Variants in GRM8 observed in about 807,000 individuals in gnomAD.
GRM8 encodes metabotropic glutamate receptor 8.
In GRM8, 47 loss-of-function variants were observed where a neutral mutation model predicts 87.2. The ratio of observed to expected loss-of-function variants is 0.54; its 90% CI spans 0.43 to 0.69. The LOEUF (loss-of-function observed/expected upper bound fraction) is 0.69, where lower values mean the gene tolerates loss of function less well. GRM8 is among the 30% of genes least tolerant of loss of function. The pLI is 0.00. For synonymous variants in GRM8, 396 were observed against 404.5 expected (o/e 0.98, Z 0.25); for missense variants, 1,019 against 1,139.2 (o/e 0.89, Z 1.52).
At chr7:126,683,209 T>C (rs1807803914) in intron 7 of GRM8, among the ~76,000 whole-genome samples, 1 of 152,228 alleles carries the variant, frequency 6.6e-6, no homozygotes, top group Non-Finnish European at 1.5e-5. Flanking sequence ...AATTGTTTCC[T>C]ACTCCCCACC....
intron 7 of GRM8, among the ~76,000 whole-genome samples, chr7:126,758,743 G>C (rs1040997398): frequency 6.6e-6 from 1 of 152,018 alleles, no homozygotes; most frequent in Admixed American, 6.6e-5. Context: ...AGCTTAGCTA[G>C]AGACAAGGTG....
intron 2 of GRM8, among the ~76,000 whole-genome samples, chr7:127,193,997 C>T (rs1245603749): frequency 2.0e-5 from 3 of 152,120 alleles, no homozygotes; most frequent in African/African-American, 7.2e-5. Flanking sequence ...GATGAGCCAC[C>T]CCTACTGGTG....
At chr7:126,678,834 C>T (rs774125635) in intron 7 of GRM8, among the ~76,000 whole-genome samples, 2 of 152,084 alleles carry the variant, frequency 1.3e-5, no homozygotes, top group Non-Finnish European at 2.9e-5. Context: ...ATTAAGCACT[C>T]GGTCCTCTCT....
At chr7:126,632,214 G>A (rs1461349828) in intron 7 of GRM8, among the ~76,000 whole-genome samples, 4 of 152,124 alleles carry the variant, frequency 2.6e-5, no homozygotes, top group South Asian at 2.1e-4. Flanking sequence ...ATTAATAAGT[G>A]GGCAAAGAAT....
intron 2 of GRM8, among the ~76,000 whole-genome samples, chr7:127,241,778 G>A (rs1331672381): frequency 6.6e-6 from 1 of 152,106 alleles, no homozygotes; most frequent in East Asian, 1.9e-4. Context: ...CATTAATTCA[G>A]ATTAAGTTGA....
chr7:127,147,519 T>A (rs1482058692), intron 2 of GRM8, among the ~76,000 whole-genome samples: 1 of 152,058 alleles, frequency 6.6e-6, no homozygotes, highest in Non-Finnish European at 1.5e-5. Context: ...AATTCCCTCC[T>A]ATCCCCCCAC....
chr7:127,225,653 T>C (rs1751606619), intron 2 of GRM8, among the ~76,000 whole-genome samples: 1 of 148,790 alleles, frequency 6.7e-6, no homozygotes, highest in South Asian at 2.1e-4. Flanking sequence ...ATATAATATC[T>C]ATTTTATAAT....
At chr7:127,224,421 G>A (rs1381873173) in intron 2 of GRM8, among the ~76,000 whole-genome samples, 5 of 152,144 alleles carry the variant, frequency 3.3e-5, no homozygotes, top group Non-Finnish European at 4.4e-5. Context: ...CTGAAAGAAA[G>A]AACTATCAAT....
At chr7:126,970,604 G>A (rs1810324377) in intron 3 of GRM8, among the ~76,000 whole-genome samples, 1 of 152,138 alleles carries the variant, frequency 6.6e-6, no homozygotes, top group Non-Finnish European at 1.5e-5. Flanking sequence ...TATATCAGCA[G>A]TAAGGCTGTT....
chr7:126,951,070 T>C (rs982380874), intron 3 of GRM8, among the ~76,000 whole-genome samples: 3 of 152,080 alleles, frequency 2.0e-5, no homozygotes, highest in Admixed American at 2.0e-4. Flanking sequence ...AATAATGCTG[T>C]AAAAAAGATT....
intron 7 of GRM8, among the ~76,000 whole-genome samples, chr7:126,719,089 T>C (rs1157895128): frequency 6.6e-6 from 1 of 151,878 alleles, no homozygotes; most frequent in Admixed American, 6.6e-5. Flanking sequence ...GGTGGGAGGG[T>C]TTAGAAAAAT....
At chr7:126,530,530 G>A (rs1363368377) in intron 9 of GRM8, among the ~76,000 whole-genome samples, 1 of 152,192 alleles carries the variant, frequency 6.6e-6, no homozygotes. Flanking sequence ...ACTGACATGG[G>A]CTCAATAATT....
intron 3 of GRM8, among the ~76,000 whole-genome samples, chr7:126,907,182 GGAA>G (rs142015447): frequency 0.15 from 22,559 of 150,196 alleles, 1,916 homozygotes; most frequent in Non-Finnish European, 0.2. Flanking sequence ...AGGAGGAAAT[GGAA>G]GGAGGAGGAG....
At chr7:127,056,605 A>G (rs1265996839) in intron 3 of GRM8, among the ~76,000 whole-genome samples, 1 of 152,238 alleles carries the variant, frequency 6.6e-6, no homozygotes. Flanking sequence ...TAAAATGTAT[A>G]CACACCGGCA....
chr7:127,193,777 C>T lies in GRM8; in HGVS notation c.510+48918G>A, dbSNP rs138987560. Among the ~76,000 whole-genome samples the T allele has an allele frequency of 2.6e-5, 4 of 152,336 alleles. No individual in the cohort carries two copies. The East Asian group carries it at 5.8e-4, about 22-fold the overall frequency. Reference sequence around the variant, plus strand: ...AGGAAACTGCTTTCATAAGCTTTGGCATCTCTAAAACTTAGATTCCAGCCC... The same window carrying T: ...AGGAAACTGCTTTCATAAGCTTTGGTATCTCTAAAACTTAGATTCCAGCCC... On this transcript the variant is annotated intron_variant, in intron 2 of 10. Coordinates refer to ENST00000339582, the MANE Select transcript of GRM8 (RefSeq NM_000845.3).
intron 6 of GRM8, among the ~76,000 whole-genome samples, chr7:126,813,715 G>A (rs1793512042): frequency 6.6e-6 from 1 of 152,036 alleles, no homozygotes; most frequent in African/African-American, 2.4e-5. Flanking sequence ...CATTCTCCAT[G>A]AAACTTGTAT....
chr7:126,599,915 T>C (rs928079690), intron 8 of GRM8, among the ~76,000 whole-genome samples: 2 of 152,090 alleles, frequency 1.3e-5, no homozygotes, highest in African/African-American at 2.4e-5. Flanking sequence ...CACTAGAGCA[T>C]TGGCAAACTG....
At chr7:126,571,221 T>C (rs1794662485) in intron 8 of GRM8, among the ~76,000 whole-genome samples, 1 of 152,110 alleles carries the variant, frequency 6.6e-6, no homozygotes, top group Non-Finnish European at 1.5e-5. Flanking sequence ...AAATATAAAG[T>C]AGAAGTCCAT....
intron 2 of GRM8, among the ~76,000 whole-genome samples, chr7:127,115,124 T>C (rs1255401765): frequency 6.6e-6 from 1 of 152,134 alleles, no homozygotes; most frequent in Non-Finnish European, 1.5e-5. Context: ...CTCTCCCTCA[T>C]ACACACCTCC....
Sources: allele counts gnomAD v4.1 joint callset (sites outside exome capture counted in the v4.1 genomes callset), GRCh38; gene constraint gnomAD v4.1.1; transcripts MANE v1.5; gene names NCBI Gene and HGNC (gene_info 2026-07-23, HGNC 2026-07-21).